Variants in CSNK2A1 observed in about 807,000 individuals in gnomAD.
CSNK2A1 encodes the protein casein kinase 2 alpha 1.
A neutral mutation model predicts 62.9 loss-of-function variants in CSNK2A1; 10 were observed. The observed-to-expected ratio is 0.16, with a 90% CI of 0.10 to 0.27. The LOEUF (loss-of-function observed/expected upper bound fraction) is 0.27, where lower values mean the gene tolerates loss of function less well. Ranked by LOEUF, CSNK2A1 falls within the 10% of genes least tolerant of loss-of-function variation. CSNK2A1 has a pLI of 1.00. For missense variants in CSNK2A1, 160 were observed against 492.0 expected (o/e 0.33, Z 6.38); for synonymous variants, 124 against 167.8 (o/e 0.74, Z 2.02).
intron 2 of CSNK2A1, chr20:526,639 G>GT (rs1247583657): frequency 1.3e-5 from 2 of 150,762 alleles, no homozygotes; most frequent in Admixed American, 1.3e-4. Context: ...AATTAAAAAT[G>GT]TAAGTGTGCT....
rs1057416092 is a variant in CSNK2A1, at chr20:481,174, C to G, written c.*2787G>C. The stretch of plus-strand genomic sequence containing the variant: ...TTCATGGCACAACTTCTTCCCAGCA[C>G]AGTTATGGTTTAGTCATACCAATTA... On this transcript the variant is annotated 3_prime_UTR_variant, in exon 14 of 14. Coordinates refer to ENST00000217244, the MANE Select transcript of CSNK2A1 (RefSeq NM_177559.3). 27 of 152,194 alleles carry G rather than the reference C, an allele frequency of 1.8e-4. No homozygotes were observed. The highest frequency in any genetic ancestry group is 6.5e-4 in the African/African-American group (27 of 41,538). 9.4% of individuals were successfully genotyped at this position (152,194 alleles called of 1,614,324 possible). A position where few individuals can be genotyped will look rare whatever the true frequency, so the allele number is the denominator to read the frequency against.
At chr20:484,330 C>A (rs540486227) in intron 13 of CSNK2A1, among the ~76,000 whole-genome samples, 1 of 152,298 alleles carries the variant, frequency 6.6e-6, no homozygotes, top group African/African-American at 2.4e-5. Flanking sequence ...CACGATTAAG[C>A]AAGTGGCAAC....
chr20:478,791 A>C lies in CSNK2A1; in HGVS notation c.*5170T>G. ...AAAAAAAAAAAAAAAAAAATTAGCC[A>C]AGCATGATGGCTCGTGCCTGTAGTC... On this transcript the variant is annotated 3_prime_UTR_variant, in exon 14 of 14. Coordinates refer to ENST00000217244, the MANE Select transcript of CSNK2A1 (RefSeq NM_177559.3). 1 of 304,588 alleles carries C rather than the reference A, an allele frequency of 3.3e-6. No individual in the cohort carries two copies. The highest frequency in any genetic ancestry group is 6.4e-6 in the Non-Finnish European group (1 of 156,236). 18.9% of individuals were successfully genotyped at this position (304,588 alleles called of 1,614,324 possible).
intron 1 of CSNK2A1, among the ~76,000 whole-genome samples, chr20:541,956 G>C (rs911197112): frequency 6.6e-6 from 1 of 152,172 alleles, no homozygotes; most frequent in African/African-American, 2.4e-5. Context: ...ATACCACGGA[G>C]GAGAACTAGT....
chr20:502,002 C>A (rs2018482146), intron 4 of CSNK2A1: 1 of 152,150 alleles, frequency 6.6e-6, no homozygotes, highest in South Asian at 2.1e-4. Flanking sequence ...AGAAAGCAAG[C>A]AGATTTTGGA....
intron 4 of CSNK2A1, chr20:504,824 G>A: frequency 3.0e-6 from 1 of 331,128 alleles, no homozygotes. Context: ...ATTATATAAT[G>A]AAAAGTAAAG....
At chr20:513,846 A>G (rs1163513041) in intron 2 of CSNK2A1, among the ~76,000 whole-genome samples, 1 of 152,230 alleles carries the variant, frequency 6.6e-6, no homozygotes, top group Non-Finnish European at 1.5e-5. Flanking sequence ...ACAACAAGCT[A>G]ACTATTTTTG....
rs190109620 is a variant in CSNK2A1 at position 488,409 on chromosome 20, G to A, written c.824+269C>T. 14 of 346,902 alleles carry A rather than the reference G, an allele frequency of 4.0e-5. No homozygotes were observed. In the East Asian group the frequency reaches 8.4e-4, roughly 21 times the overall value. 21.5% of individuals were successfully genotyped at this position (346,902 alleles called of 1,614,324 possible). On this transcript the variant is annotated intron_variant, in intron 11 of 13. Coordinates refer to ENST00000217244, the MANE Select transcript of CSNK2A1 (RefSeq NM_177559.3). Reference sequence around the variant, plus strand: ...GTAAATTTTGATTTTTGCCTCAACTGTAACCCTTCTACTAGAATCTACATT... The same window carrying A: ...GTAAATTTTGATTTTTGCCTCAACTATAACCCTTCTACTAGAATCTACATT...
At chr20:524,757 T>C (rs1009546892) in intron 2 of CSNK2A1, among the ~76,000 whole-genome samples, 16 of 149,160 alleles carry the variant, frequency 1.1e-4, no homozygotes, top group African/African-American at 3.5e-4. Context: ...ATGGGGTATA[T>C]ATTATATACA....
rs1216073495 is a variant in CSNK2A1, at chr20:474,742, C to G, written c.*9219G>C. The G allele has an allele frequency of 6.6e-5, 10 of 152,198 alleles. No homozygotes were observed. Among genetic ancestry groups the G allele is most frequent in the Admixed American group, 5.9e-4 (9 of 15,288 alleles). The allele number at this position is 152,198 out of a possible 1,614,324, so 9.4% of individuals were successfully genotyped here. A position where few individuals can be genotyped will look rare whatever the true frequency, so the allele number is the denominator to read the frequency against. ...CACCACACATGCCAGCATTTCCCAT[C>G]ACTCCTCTTTCCATTGTCATCATAC... On this transcript the variant is annotated 3_prime_UTR_variant, in exon 14 of 14. Transcript: ENST00000217244.
chr20:476,098 G>C lies in CSNK2A1; in HGVS notation c.*7863C>G, dbSNP rs763691807. 2.6e-5 allele frequency: 4 copies of C among 152,268 alleles called. No homozygotes were observed. Among genetic ancestry groups the C allele is most frequent in the Non-Finnish European group, 5.9e-5 (4 of 68,088 alleles). 9.4% of individuals were successfully genotyped at this position (152,268 alleles called of 1,614,324 possible). The stretch of plus-strand genomic sequence containing the variant: ...TAGCTGTGCAAAAGCAGCCCCACAA[G>C]CAAAATTGAGCCAGGAGACAGGGTT... On this transcript the variant is annotated 3_prime_UTR_variant, in exon 14 of 14. Coordinates refer to ENST00000217244, the MANE Select transcript of CSNK2A1 (RefSeq NM_177559.3).
intron 2 of CSNK2A1, among the ~76,000 whole-genome samples, chr20:513,183 CTTTACA>C (rs2018759601): frequency 6.6e-6 from 1 of 152,230 alleles, no homozygotes; most frequent in African/African-American, 2.4e-5. Context: ...TCTACATAAC[CTTTACA>C]GCCACTTTAC....
chr20:543,485 G>A (rs2019497847), intron 1 of CSNK2A1, 187 bp downstream of exon 1: 1 of 386,382 alleles, frequency 2.6e-6, no homozygotes, highest in Non-Finnish European at 4.6e-6. Context: ...CCGCCCTGAG[G>A]GGTGGCCCCT....
chr20:496,186 C>T (rs1341186439), intron 7 of CSNK2A1: 2 of 183,656 alleles, frequency 1.1e-5, no homozygotes, highest in East Asian at 2.7e-4. Flanking sequence ...ATTCTTTAGC[C>T]ATTAAGAGTC....
In CSNK2A1 at chr20:475,447, TAA is replaced by T. The variant is rs1265332645; in HGVS notation, c.*8512_*8513del. On this transcript the variant is annotated 3_prime_UTR_variant, in exon 14 of 14. Coordinates refer to ENST00000217244, the MANE Select transcript of CSNK2A1 (RefSeq NM_177559.3). The stretch of plus-strand genomic sequence containing the variant: ...CGCACTCCAGCCTGGGTGACAGAGT[TAA>T]GACTCTGACTCAAAAAAAAAAAAAA... 2 of 138,302 alleles carry T rather than the reference TAA, an allele frequency of 1.4e-5. No homozygotes were observed. The highest frequency in any genetic ancestry group is 3.0e-5 in the Non-Finnish European group (2 of 65,966). The allele number at this position is 138,302 out of a possible 1,614,324, so 8.6% of individuals were successfully genotyped here.
At chr20:523,753 C>T (rs749729381) in intron 2 of CSNK2A1, among the ~76,000 whole-genome samples, 21 of 145,498 alleles carry the variant, frequency 1.4e-4, no homozygotes, top group Non-Finnish European at 2.4e-4. Flanking sequence ...TAGCCGGGAG[C>T]GGTGGTGGGC....
At chr20:496,439 A>T (rs1330952140) in intron 7 of CSNK2A1, 1 of 152,544 alleles carries the variant, frequency 6.6e-6, no homozygotes, top group Non-Finnish European at 1.5e-5. Flanking sequence ...ATCCAATCTG[A>T]AATGTTTCCA....
chr20:542,002 C>T (rs765034502), intron 1 of CSNK2A1, among the ~76,000 whole-genome samples: 104 of 152,156 alleles, frequency 6.8e-4, no homozygotes, highest in Non-Finnish European at 6.6e-4. Flanking sequence ...GTCCACCAAG[C>T]CAGTAAAGCC....
At chr20:527,209 T>G (rs1003698905) in intron 2 of CSNK2A1, among the ~76,000 whole-genome samples, 3 of 152,212 alleles carry the variant, frequency 2.0e-5, no homozygotes, top group Admixed American at 1.3e-4. Flanking sequence ...CCCACAAACT[T>G]GAAATTCCCA....
Sources: gnomAD v4.1 joint callset for allele counts (sites outside exome capture counted in the v4.1 genomes callset) on GRCh38, gnomAD v4.1.1 for gene constraint, MANE v1.5 for transcripts, NCBI Gene and HGNC (gene_info 2026-07-23, HGNC 2026-07-21) for gene names.